STAT1: variants seen among roughly 807,000 people sequenced by gnomAD.
The protein encoded by STAT1 is signal transducer and activator of transcription 1-alpha/beta.
A neutral mutation model predicts 111.7 loss-of-function variants in STAT1; 24 were observed. The observed-to-expected ratio is 0.21, with a 90% confidence interval of 0.16 to 0.30. The LOEUF (loss-of-function observed/expected upper bound fraction) is 0.30, where lower values mean the gene tolerates loss of function less well. Ranked by LOEUF, STAT1 falls within the 10% of genes least tolerant of loss-of-function variation. The pLI, the probability that STAT1 is intolerant of heterozygous loss-of-function variation, is 1.00. For missense variants in STAT1, 351 were observed against 911.9 expected (o/e 0.38, Z 7.92); for synonymous variants, 332 against 326.5 (o/e 1.02, Z -0.18).
chr2:191,012,443 G>A lies in STAT1; in HGVS notation c.-2+1082C>T, dbSNP rs1013089808. On this transcript the variant is annotated intron_variant, in intron 2 of 24. Coordinates refer to ENST00000361099, the MANE Select transcript of STAT1 (RefSeq NM_007315.4). This position sits in a 1 kb window ranked among gnomAD's most constrained non-coding sequence, Gnocchi z 4.0. Reference sequence around the variant, plus strand: ...AAAAAAAAAAACAATGAATAAATAAGCTCATGTTCACAAATCTGGAGTCAG... The same window carrying A: ...AAAAAAAAAAACAATGAATAAATAAACTCATGTTCACAAATCTGGAGTCAG... Among the ~76,000 whole-genome samples the A allele has an allele frequency of 6.6e-6, 1 of 151,378 alleles. No individual in the cohort carries two copies. The highest frequency in any genetic ancestry group is 2.4e-5 in the African/African-American group (1 of 41,162).
rs772296299 is a variant in STAT1 at position 190,982,811 on chromosome 2, G to C, written c.1447-293C>G. Among the ~76,000 whole-genome samples the C allele has an allele frequency of 5.9e-5, 9 of 152,154 alleles. No homozygotes were observed. Among genetic ancestry groups the C allele is most frequent in the Non-Finnish European group, 8.8e-5 (6 of 68,030 alleles). On this transcript the variant is annotated intron_variant, in intron 17 of 24. Coordinates refer to ENST00000361099, the MANE Select transcript of STAT1 (RefSeq NM_007315.4). This position sits in a 1 kb window ranked among gnomAD's most constrained non-coding sequence, Gnocchi z 7.3. ...AGCAGCACACAGCAGCAAAGAATTC[G>C]AGTCTCTTAACACGCTTCCAACTGA... is the stretch of plus-strand genomic sequence containing the variant.
chr2:190,991,839 A>G (rs998102449), intron 10 of STAT1, among the ~76,000 whole-genome samples: 5 of 152,152 alleles, frequency 3.3e-5, no homozygotes, highest in African/African-American at 9.7e-5. Context: ...TCTGGATGAC[A>G]GAGTGAGGCC....
intron 1 of STAT1, 147 bp downstream of exon 1, chr2:191,013,871 G>C (rs1695332118): frequency 2.6e-6 from 1 of 388,370 alleles, no homozygotes; most frequent in Non-Finnish European, 4.5e-6. Context: ...CTCGCACTTG[G>C]AATACTCAGG....
rs932158458 is a variant in STAT1, at chr2:190,983,569, T to C, written c.1446+73A>G. 3.0e-6 allele frequency: 4 copies of C among 1,352,176 alleles called. No individual in the cohort carries two copies. Among genetic ancestry groups the C allele is most frequent in the African/African-American group, 1.4e-5 (1 of 69,736 alleles). The allele number at this position is 1,352,176 out of a possible 1,614,324, so 83.8% of individuals were successfully genotyped here. On this transcript the variant is annotated intron_variant, in intron 17 of 24. Coordinates refer to ENST00000361099, the MANE Select transcript of STAT1 (RefSeq NM_007315.4). The surrounding 1 kb of genome is among the most constrained non-coding windows in gnomAD (Gnocchi z 5.7). ...CCTTAACAACTGGCCATTGGGGCTA[T>C]TTCAGAGATGCAGCAGTGAGAGCGT...
chr2:190,989,671 C>T lies in STAT1; in HGVS notation c.1041G>A (p.Leu347=). Reference sequence around the variant, plus strand: ...AATTCAGCTCTTGCAATTTCACCAACAGTCTGGAAAGAAAAATAAAAGCCA... The same window carrying T: ...AATTCAGCTCTTGCAATTTCACCAATAGTCTGGAAAGAAAAATAAAAGCCA... The part of the protein sequence containing the change: ...TGVQFTVKLR[L]LVKLQELNYN... The change falls in exon 12 of 25, where the codon CTG becomes CTA. Residue 347 remains leucine (L), a synonymous_variant. Coordinates refer to ENST00000361099, the MANE Select transcript of STAT1 (RefSeq NM_007315.4). The surrounding 1 kb of genome is among the most constrained non-coding windows in gnomAD (Gnocchi z 5.0). 2 of 1,597,048 alleles carry T rather than the reference C, an allele frequency of 1.3e-6. No homozygotes were observed. The highest frequency in any genetic ancestry group is 1.7e-6 in the Non-Finnish European group (2 of 1,168,512).
In STAT1 at chr2:190,984,403, G is replaced by T. The variant is rs757527885; in HGVS notation, c.1264-10C>A. 1 of 1,605,712 alleles carries T rather than the reference G, an allele frequency of 6.2e-7. No individual in the cohort carries two copies. The highest frequency in any genetic ancestry group is 1.7e-5 in the Admixed American group (1 of 59,976). ...TAACGATGAGAGGACCCTTGGAAGA[G>T]AAAAGGAAAGAAGAAAAGAATATAA... is the stretch of plus-strand genomic sequence containing the variant. On this transcript the variant is annotated splice_polypyrimidine_tract_variant and intron_variant, in intron 15 of 24. Coordinates refer to ENST00000361099, the MANE Select transcript of STAT1 (RefSeq NM_007315.4). This position sits in a 1 kb window ranked among gnomAD's most constrained non-coding sequence, Gnocchi z 5.2.
intron 3 of STAT1, 48 bp downstream of exon 3, chr2:191,009,828 T>C: frequency 1.9e-6 from 3 of 1,610,820 alleles, no homozygotes; most frequent in Non-Finnish European, 2.5e-6. Flanking sequence ...AATCAACCAG[T>C]ACTTTTAAGG....
rs540790696 is a variant in STAT1, at chr2:190,973,880, T to C, written c.2238+950A>G. On this transcript the variant is annotated intron_variant, in intron 24 of 24. Coordinates refer to ENST00000361099, the MANE Select transcript of STAT1 (RefSeq NM_007315.4). The surrounding 1 kb of genome is among the most constrained non-coding windows in gnomAD (Gnocchi z 4.4). ...TGAGAAACCTGAATCCAGGCAGATC[T>C]TACTGAGGCCTTATCATCGCATTCC... Among the ~76,000 whole-genome samples, 19 of 152,274 alleles carry C rather than the reference T, an allele frequency of 1.2e-4. No individual in the cohort carries two copies. The South Asian group carries it at 2.3e-3, about 18-fold the overall frequency.
chr2:190,992,591 G>A (rs543871153), intron 10 of STAT1: 3 of 697,232 alleles, frequency 4.3e-6, no homozygotes, highest in South Asian at 1.0e-4. Flanking sequence ...TCTTCACTTG[G>A]GTTCAGATTG....
intron 5 of STAT1, among the ~76,000 whole-genome samples, chr2:191,005,611 G>A (rs1694632640): frequency 6.6e-6 from 1 of 152,168 alleles, no homozygotes; most frequent in East Asian, 1.9e-4. Context: ...TATACCACCT[G>A]GGTTTGTGTA....
In STAT1 at chr2:190,981,499, T is replaced by C. The variant is rs1165668223; in HGVS notation, c.1583-830A>G. On this transcript the variant is annotated intron_variant, in intron 18 of 24. Coordinates refer to ENST00000361099, the MANE Select transcript of STAT1 (RefSeq NM_007315.4). This position sits in a 1 kb window ranked among gnomAD's most constrained non-coding sequence, Gnocchi z 4.1. ...ATCGGTCTTCAAAGAGAACTACAAA[T>C]GAGCCATTACAGCTAGAAAAGATAT... Among the ~76,000 whole-genome samples the C allele has an allele frequency of 6.6e-6, 1 of 152,168 alleles. No homozygotes were observed. Among genetic ancestry groups the C allele is most frequent in the Non-Finnish European group, 1.5e-5 (1 of 68,036 alleles).
In STAT1 at chr2:190,998,224, T is replaced by C. The variant is rs1284002507; in HGVS notation, c.626A>G (p.Lys209Arg). Residue 209 changes from lysine (K) to arginine (R), a missense_variant, in exon 8 of 25, where the codon AAG becomes AGG. This residue lies in a region of STAT1 where 67 missense variants were observed against 158.9 expected (regional missense o/e 0.42). Coordinates refer to ENST00000361099, the MANE Select transcript of STAT1 (RefSeq NM_007315.4). The surrounding 1 kb of genome is among the most constrained non-coding windows in gnomAD (Gnocchi z 4.1). ...TGGAAAGTAAATAACTACCTTTCTC[T>C]TATTGTCAAGCATTAAATACATCTT... ...LKKMYLMLDN[K>R]RKEVVHKIIE... 2 of 1,613,118 alleles carry C rather than the reference T, an allele frequency of 1.2e-6. No homozygotes were observed. The highest frequency in any genetic ancestry group is 4.5e-5 in the East Asian group (2 of 44,862).
chr2:190,999,587 T>C lies in STAT1; in HGVS notation c.541+39A>G, dbSNP rs148231927. The C allele has an allele frequency of 1.3e-5, 18 of 1,437,900 alleles. No homozygotes were observed. Among genetic ancestry groups the C allele is most frequent in the African/African-American group, 7.0e-5 (5 of 71,324 alleles). 89.1% of individuals were successfully genotyped at this position (1,437,900 alleles called of 1,614,324 possible). On this transcript the variant is annotated intron_variant, in intron 7 of 24. Coordinates refer to ENST00000361099, the MANE Select transcript of STAT1 (RefSeq NM_007315.4). This position sits in a 1 kb window ranked among gnomAD's most constrained non-coding sequence, Gnocchi z 4.1. ...CGTTATCTAGTGTGAACAGAAAAAA[T>C]TGCAGCCAACGGGCACCACTTCAGT...
At position 190,989,175 on chromosome 2, in the gene STAT1, G is replaced by C. The variant is rs923953953; in HGVS notation, c.1097+440C>G. The stretch of plus-strand genomic sequence containing the variant: ...CAGCCTGGACGTTCAGCCTCGGGTT[G>C]GATCAGGGGCCTCTCCTTTGGGGCT... On this transcript the variant is annotated intron_variant, in intron 12 of 24. Transcript: ENST00000361099. The surrounding 1 kb of genome is among the most constrained non-coding windows in gnomAD (Gnocchi z 5.0). Among the ~76,000 whole-genome samples the C allele has an allele frequency of 2.6e-5, 4 of 152,230 alleles. No homozygotes were observed. Among genetic ancestry groups the C allele is most frequent in the Non-Finnish European group, 5.9e-5 (4 of 68,038 alleles).
rs1002444328 is a variant in STAT1 at position 190,973,440 on chromosome 2, G to T, written c.2238+1390C>A. Among the ~76,000 whole-genome samples the T allele has an allele frequency of 6.6e-6, 1 of 152,178 alleles. No homozygotes were observed. Among genetic ancestry groups the T allele is most frequent in the African/African-American group, 2.4e-5 (1 of 41,438 alleles). ...CAGAAGGTGGCTGTGAGGACTGAAT[G>T]AGTTACTACCTGTGAAGTACATGGT... On this transcript the variant is annotated intron_variant, in intron 24 of 24. Coordinates refer to ENST00000361099, the MANE Select transcript of STAT1 (RefSeq NM_007315.4). The surrounding 1 kb of genome is among the most constrained non-coding windows in gnomAD (Gnocchi z 4.4).
In STAT1 at chr2:190,978,012, AAAAC is replaced by A. The variant is rs537318790; in HGVS notation, c.1873+840_1873+843del. On this transcript the variant is annotated intron_variant, in intron 21 of 24. Coordinates refer to ENST00000361099, the MANE Select transcript of STAT1 (RefSeq NM_007315.4). This position sits in a 1 kb window ranked among gnomAD's most constrained non-coding sequence, Gnocchi z 6.1. ...AAAAAAAATAGAAGAGTATTCCAGA[AAAAC>A]AAACAGAACAAGAAGAGTATGGCAG... is the stretch of plus-strand genomic sequence containing the variant. Among the ~76,000 whole-genome samples, 202 of 152,336 alleles carry A rather than the reference AAAAC, an allele frequency of 1.3e-3. No homozygotes were observed. Among genetic ancestry groups the A allele is most frequent in the African/African-American group, 4.5e-3 (189 of 41,568 alleles).
chr2:190,977,034 G>A lies in STAT1; in HGVS notation c.1874-9C>T, dbSNP rs1357201178. Reference sequence around the variant, plus strand: ...CGCATGGAAGTCAGGTTCTAAAAAGGAGAAAAGCTAAGTAAATCCCATAGA... The same window carrying A: ...CGCATGGAAGTCAGGTTCTAAAAAGAAGAAAAGCTAAGTAAATCCCATAGA... On this transcript the variant is annotated splice_polypyrimidine_tract_variant and intron_variant, in intron 21 of 24. Coordinates refer to ENST00000361099, the MANE Select transcript of STAT1 (RefSeq NM_007315.4). The surrounding 1 kb of genome is among the most constrained non-coding windows in gnomAD (Gnocchi z 4.7). 6.2e-7 allele frequency: 1 copy of A among 1,613,990 alleles called. No homozygotes were observed. Among genetic ancestry groups the A allele is most frequent in the South Asian group, 1.1e-5 (1 of 91,062 alleles).
Position 191,012,833 on chromosome 2 carries a change from G to C in STAT1, c.-2+692C>G, listed in dbSNP as rs550236919. On this transcript the variant is annotated intron_variant, in intron 2 of 24. Transcript: ENST00000361099. The surrounding 1 kb of genome is among the most constrained non-coding windows in gnomAD (Gnocchi z 4.0). Reference sequence around the variant, plus strand: ...AAACAGCCTCTCCACAAATTTTTGCGTCTCTAAATCCTATAGCATTCAAAG... The same window carrying C: ...AAACAGCCTCTCCACAAATTTTTGCCTCTCTAAATCCTATAGCATTCAAAG... Among the ~76,000 whole-genome samples, 1 of 152,106 alleles carries C rather than the reference G, an allele frequency of 6.6e-6. No homozygotes were observed. The highest frequency in any genetic ancestry group is 1.9e-4 in the East Asian group (1 of 5,194).
rs1040516761 is a variant in STAT1 at position 190,975,977 on chromosome 2, G to A, written c.2060-90C>T. 7.7e-5 allele frequency: 90 copies of A among 1,172,410 alleles called. No homozygotes were observed. The East Asian group carries it at 2.2e-3, about 29-fold the overall frequency. 72.6% of individuals were successfully genotyped at this position (1,172,410 alleles called of 1,614,324 possible). On this transcript the variant is annotated intron_variant, in intron 22 of 24. Transcript: ENST00000361099. The surrounding 1 kb of genome is among the most constrained non-coding windows in gnomAD (Gnocchi z 5.9). ...TTTTCGGGGGGATTAAAGTTCTACT[G>A]TGTTTCTAGACAGCTTAGCCTCCTA...
Sources: gnomAD v4.1 joint callset for allele counts (sites outside exome capture counted in the v4.1 genomes callset) on GRCh38, gnomAD v4.1.1 for gene constraint, gnomAD v4.1.1 regional missense constraint, Gnocchi (gnomAD v3.1) non-coding constraint, MANE v1.5 for transcripts, NCBI Gene and HGNC (gene_info 2026-07-23, HGNC 2026-07-21) for gene names.